The following EPAS1 variants were observed in gnomAD, a reference collection of about 807,000 sequenced individuals.
The protein encoded by EPAS1 is endothelial PAS domain protein 1, also known as endothelial PAS domain-containing protein 1.
In EPAS1, 23 loss-of-function variants were observed where a neutral mutation model predicts 87.9. That is an observed-to-expected ratio of 0.26 (90% CI 0.19 to 0.37). EPAS1 has a LOEUF of 0.37. Ranked by LOEUF, EPAS1 falls within the 10% of genes least tolerant of loss-of-function variation. EPAS1 has a pLI of 1.00. For synonymous variants in EPAS1, 508 were observed against 444.3 expected (o/e 1.14, Z -1.80); for missense variants, 1,138 against 1,120.7 (o/e 1.02, Z -0.22).
intron 9 of EPAS1, 25 bp from the exon 10 acceptor site, chr2:46,377,869 A>G: frequency 2.6e-6 from 4 of 1,551,438 alleles, no homozygotes; most frequent in Non-Finnish European, 3.5e-6. Context: ...GTGGGTGTTC[A>G]CCTCCCAGGC....
At chr2:46,307,848 G>T (rs138255767) in intron 1 of EPAS1, among the ~76,000 whole-genome samples, 2 of 152,108 alleles carry the variant, frequency 1.3e-5, no homozygotes, top group African/African-American at 4.8e-5. Flanking sequence ...TCCTATCCTC[G>T]GAGCACAGAG....
At chr2:46,341,215 A>G (rs1434167055) in intron 1 of EPAS1, among the ~76,000 whole-genome samples, 4 of 152,124 alleles carry the variant, frequency 2.6e-5, no homozygotes, top group Non-Finnish European at 5.9e-5. Flanking sequence ...AATACCTTCA[A>G]TTGTGGCAAA....
chr2:46,330,484 T>A (rs1683652870), intron 1 of EPAS1, among the ~76,000 whole-genome samples: 1 of 152,188 alleles, frequency 6.6e-6, no homozygotes, highest in South Asian at 2.1e-4. Flanking sequence ...GGGTTCCCAG[T>A]GGCCTTGAGG....
intron 1 of EPAS1, among the ~76,000 whole-genome samples, chr2:46,333,446 C>T (rs780614330): frequency 4.7e-5 from 6 of 126,682 alleles, no homozygotes; most frequent in African/African-American, 1.2e-4. Flanking sequence ...AGTGTAGGCT[C>T]GGTAAGATGC....
At chr2:46,364,483 T>A (rs1490124101) in intron 6 of EPAS1, among the ~76,000 whole-genome samples, 1 of 152,222 alleles carries the variant, frequency 6.6e-6, no homozygotes, top group African/African-American at 2.4e-5. Context: ...TCAGGTCAAA[T>A]CAGTTGAATC....
At chr2:46,299,053 G>A (rs887579981) in intron 1 of EPAS1, among the ~76,000 whole-genome samples, 6 of 152,244 alleles carry the variant, frequency 3.9e-5, no homozygotes, top group African/African-American at 4.8e-5. Context: ...GCGGAGCGGC[G>A]GTATAGAGGT....
rs1433627228 is a variant in EPAS1 at position 46,386,412 on chromosome 2, A to AC, written c.*1756dup. ...AATCATATTTTAGCTGCACGGCATT[A>AC]CCCCACACAGGGTGGCAGAACTTGA... On this transcript the variant is annotated 3_prime_UTR_variant, in exon 16 of 16. Coordinates refer to ENST00000263734, the MANE Select transcript of EPAS1 (RefSeq NM_001430.5). 1 of 152,630 alleles carries AC rather than the reference A, an allele frequency of 6.6e-6. No homozygotes were observed. Among genetic ancestry groups the AC allele is most frequent in the Non-Finnish European group, 1.5e-5 (1 of 68,034 alleles). 9.5% of individuals were successfully genotyped at this position (152,630 alleles called of 1,614,324 possible).
chr2:46,347,232 T>C lies in EPAS1; in HGVS notation c.217+169T>C. ...TATTCCTTCATGTTAAACATCTCTCTTCCAGCAGTGACCTTTACCGTGAAT... is the reference window on the plus strand; with the variant it reads ...TATTCCTTCATGTTAAACATCTCTCCTCCAGCAGTGACCTTTACCGTGAAT... On this transcript the variant is annotated intron_variant, in intron 2 of 15. Transcript: ENST00000263734. This position sits in a 1 kb window ranked among gnomAD's most constrained non-coding sequence, Gnocchi z 4.2. 2.7e-6 allele frequency: 2 copies of C among 754,244 alleles called. No individual in the cohort carries two copies. The highest frequency in any genetic ancestry group is 1.6e-5 in the South Asian group (1 of 61,990). The allele number at this position is 754,244 out of a possible 1,614,324, so 46.7% of individuals were successfully genotyped here.
chr2:46,359,932 G>A (rs936154639), intron 4 of EPAS1, among the ~76,000 whole-genome samples: 1 of 152,186 alleles, frequency 6.6e-6, no homozygotes, highest in Non-Finnish European at 1.5e-5. Context: ...AAGCTATATT[G>A]CTGGTCTTGG....
rs3835107 is a variant in EPAS1 at position 46,356,138 on chromosome 2, C to CTG, written c.218-13_218-12insTG. ...ACATTCATGCAAGCTGTCCCACCCC[C>CTG]CCCCCTTTCCAGTTTGCTCTGAAAA... On this transcript the variant is annotated splice_polypyrimidine_tract_variant and intron_variant, in intron 2 of 15. Coordinates refer to ENST00000263734, the MANE Select transcript of EPAS1 (RefSeq NM_001430.5). 13 of 1,261,374 alleles carry CTG rather than the reference C, an allele frequency of 1.0e-5. No individual in the cohort carries two copies. Among genetic ancestry groups the CTG allele is most frequent in the East Asian group, 2.5e-5 (1 of 39,474 alleles). 78.1% of individuals were successfully genotyped at this position (1,261,374 alleles called of 1,614,324 possible). A position where few individuals can be genotyped will look rare whatever the true frequency, so the allele number is the denominator to read the frequency against.
At chr2:46,311,194 C>T (rs1407758134) in intron 1 of EPAS1, among the ~76,000 whole-genome samples, 1 of 152,138 alleles carries the variant, frequency 6.6e-6, no homozygotes, top group African/African-American at 2.4e-5. Context: ...CCTCTTATTC[C>T]TTTTCTGTCC....
chr2:46,310,321 C>T (rs1186463781), intron 1 of EPAS1, among the ~76,000 whole-genome samples: 1 of 152,160 alleles, frequency 6.6e-6, no homozygotes, highest in African/African-American at 2.4e-5. Flanking sequence ...ATTCTGGATT[C>T]TAGGTTTTTG....
intron 6 of EPAS1, among the ~76,000 whole-genome samples, chr2:46,362,490 G>T (rs1251214892): frequency 6.6e-6 from 1 of 152,184 alleles, no homozygotes; most frequent in Non-Finnish European, 1.5e-5. Context: ...GGAAGAGGAA[G>T]AATCTGACCC....
At chr2:46,305,572 A>G (rs1683095027) in intron 1 of EPAS1, among the ~76,000 whole-genome samples, 1 of 152,212 alleles carries the variant, frequency 6.6e-6, no homozygotes, top group African/African-American at 2.4e-5. Context: ...TATTTCAGAA[A>G]GGGTGTCTTG....
At chr2:46,345,269 T>C (rs2104870362) in intron 1 of EPAS1, among the ~76,000 whole-genome samples, 1 of 152,312 alleles carries the variant, frequency 6.6e-6, no homozygotes, top group Non-Finnish European at 1.5e-5. Flanking sequence ...CTGGCTTAGA[T>C]GCTTTTTAAA....
At chr2:46,353,968 C>A (rs1684219030) in intron 2 of EPAS1, among the ~76,000 whole-genome samples, 1 of 152,252 alleles carries the variant, frequency 6.6e-6, no homozygotes, top group Admixed American at 6.5e-5. Context: ...CCACTGTGAT[C>A]CTCTGCAAAA....
In EPAS1 at chr2:46,380,736, G is replaced by T; in HGVS notation, c.2045+19G>T. 5 of 1,606,314 alleles carry T rather than the reference G, an allele frequency of 3.1e-6. No homozygotes were observed. Among genetic ancestry groups the T allele is most frequent in the Non-Finnish European group, 4.2e-6 (5 of 1,179,976 alleles). On this transcript the variant is annotated intron_variant, in intron 12 of 15. Transcript: ENST00000263734. The surrounding 1 kb of genome is among the most constrained non-coding windows in gnomAD (Gnocchi z 4.4). ...AGACAAGGTAAGTGGCAGATACTCA[G>T]CTGTACCAGCAGGGCCGAACCGAGA... is the stretch of plus-strand genomic sequence containing the variant.
intron 1 of EPAS1, among the ~76,000 whole-genome samples, chr2:46,309,848 G>A (rs1056112582): frequency 6.6e-6 from 1 of 152,272 alleles, no homozygotes. Flanking sequence ...TTGCCTTGGG[G>A]CCATGGGAGC....
chr2:46,326,826 G>A (rs903566852), intron 1 of EPAS1, among the ~76,000 whole-genome samples: 1 of 152,152 alleles, frequency 6.6e-6, no homozygotes, highest in African/African-American at 2.4e-5. Flanking sequence ...TGGAAATAGG[G>A]AAAATGGTTC....
Sources: gnomAD v4.1 joint callset for allele counts (sites outside exome capture counted in the v4.1 genomes callset) on GRCh38, gnomAD v4.1.1 for gene constraint, Gnocchi (gnomAD v3.1) non-coding constraint, MANE v1.5 for transcripts, NCBI Gene and HGNC (gene_info 2026-07-23, HGNC 2026-07-21) for gene names.